Variants in ETV6 observed in about 807,000 individuals in gnomAD.
ETV6 encodes ETS variant transcription factor 6, also known as transcription factor ETV6.
In ETV6, 16 loss-of-function variants were observed where a neutral mutation model predicts 51.1. The observed-to-expected ratio is 0.31, with a 90% CI of 0.21 to 0.48. The LOEUF is 0.48. Among genes scored for constraint, ETV6 ranks in the 20% least tolerant of loss-of-function variants. ETV6 has a pLI of 0.99. For synonymous variants in ETV6, 240 were observed against 224.1 expected, an observed-to-expected ratio of 1.07 and a Z score of -0.64; for missense variants, 458 against 594.8, an observed-to-expected ratio of 0.77 and a Z score of 2.39.
intron 1 of ETV6, among the ~76,000 whole-genome samples, chr12:11,651,167 G>C (rs1274712134): frequency 6.6e-6 from 1 of 152,212 alleles, no homozygotes; most frequent in Non-Finnish European, 1.5e-5. Context: ...CCAGTACCCA[G>C]GTAGAAAGCC....
intron 6 of ETV6, among the ~76,000 whole-genome samples, chr12:11,885,242 G>A (rs1366122694): frequency 6.6e-6 from 1 of 152,184 alleles, no homozygotes; most frequent in Non-Finnish European, 1.5e-5. Context: ...ACCCCAATCC[G>A]CTGAGTGAGT....
At chr12:11,689,420 G>C (rs1252737654) in intron 1 of ETV6, among the ~76,000 whole-genome samples, 1 of 152,066 alleles carries the variant, frequency 6.6e-6, no homozygotes, top group Admixed American at 6.6e-5. Flanking sequence ...CAGTACATTT[G>C]CTATTTTATT....
intron 2 of ETV6, among the ~76,000 whole-genome samples, chr12:11,806,179 T>C (rs923300967): frequency 1.3e-4 from 20 of 152,146 alleles, no homozygotes; most frequent in Admixed American, 7.9e-4. Flanking sequence ...GTCACACAGT[T>C]GAGGTTTTGG....
chr12:11,769,511 G>T (rs749915486), intron 2 of ETV6, among the ~76,000 whole-genome samples: 2 of 152,048 alleles, frequency 1.3e-5, no homozygotes, highest in African/African-American at 2.4e-5. Flanking sequence ...TCTTTGGCAC[G>T]TGTAGCAAAA....
chr12:11,859,119 GTTT>G (rs71057773), intron 4 of ETV6, among the ~76,000 whole-genome samples: 5 of 66,094 alleles, frequency 7.6e-5, no homozygotes, highest in African/African-American at 3.1e-4. Context: ...TATGAATCTG[GTTT>G]TTTTTTTTTT....
intron 2 of ETV6, among the ~76,000 whole-genome samples, chr12:11,805,025 G>T (rs1168589783): frequency 2.0e-5 from 3 of 152,122 alleles, no homozygotes; most frequent in African/African-American, 7.2e-5. Flanking sequence ...TGAACTTGGC[G>T]TTCTCAGATT....
intron 1 of ETV6, among the ~76,000 whole-genome samples, chr12:11,716,435 G>A (rs990122037): frequency 8.6e-5 from 13 of 150,740 alleles, no homozygotes; most frequent in African/African-American, 2.2e-4. Flanking sequence ...CCACCCAAGC[G>A]AGTTGACCTG....
chr12:11,850,368 A>G (rs1946533270), intron 3 of ETV6, among the ~76,000 whole-genome samples: 1 of 152,184 alleles, frequency 6.6e-6, no homozygotes, highest in African/African-American at 2.4e-5. Flanking sequence ...AGACGTCCAG[A>G]GAACCCAAGA....
chr12:11,876,288 T>C (rs986623611), intron 5 of ETV6, among the ~76,000 whole-genome samples: 1 of 152,234 alleles, frequency 6.6e-6, no homozygotes, highest in African/African-American at 2.4e-5. Context: ...TCTTCATTCA[T>C]TGATTCAAAA....
At chr12:11,670,623 C>T (rs1864295330) in intron 1 of ETV6, among the ~76,000 whole-genome samples, 1 of 152,156 alleles carries the variant, frequency 6.6e-6, no homozygotes, top group Non-Finnish European at 1.5e-5. Flanking sequence ...AGGGCAGCAG[C>T]ATTTTAGGAA....
At chr12:11,761,050 T>G (rs1365908006) in intron 2 of ETV6, among the ~76,000 whole-genome samples, 1 of 151,994 alleles carries the variant, frequency 6.6e-6, no homozygotes, top group Non-Finnish European at 1.5e-5. Context: ...TTGCCCGAGG[T>G]CACCCAGAGA....
At chr12:11,810,584 G>A (rs1185135231) in intron 2 of ETV6, among the ~76,000 whole-genome samples, 1 of 152,122 alleles carries the variant, frequency 6.6e-6, no homozygotes, top group Non-Finnish European at 1.5e-5. Flanking sequence ...AATACCTGTG[G>A]TCTCTTGAGA....
chr12:11,890,409 C>T (rs966439481), intron 7 of ETV6, among the ~76,000 whole-genome samples: 5 of 150,242 alleles, frequency 3.3e-5, no homozygotes, highest in Non-Finnish European at 4.4e-5. Context: ...GTGCTCACTA[C>T]GTCACAGACA....
chr12:11,791,480 T>G (rs1945590701), intron 2 of ETV6, among the ~76,000 whole-genome samples: 1 of 152,226 alleles, frequency 6.6e-6, no homozygotes, highest in African/African-American at 2.4e-5. Flanking sequence ...TGATAGTCTT[T>G]TTACCCTTAG....
intron 1 of ETV6, among the ~76,000 whole-genome samples, chr12:11,688,434 G>C (rs1864678772): frequency 6.6e-6 from 1 of 152,178 alleles, no homozygotes; most frequent in African/African-American, 2.4e-5. Context: ...TCTCGTGGCT[G>C]TCTAGTGGTT....
At chr12:11,763,391 T>C (rs3782137) in intron 2 of ETV6, among the ~76,000 whole-genome samples, 81,548 of 151,964 alleles carry the variant, frequency 0.54, 23,536 homozygotes, top group Admixed American at 0.69. Flanking sequence ...AACACAAAAG[T>C]AGGAATTCCC....
intron 3 of ETV6, among the ~76,000 whole-genome samples, chr12:11,844,197 G>C (rs570061489): frequency 7.9e-5 from 12 of 152,160 alleles, no homozygotes; most frequent in Admixed American, 7.2e-4. Context: ...ATGGATTTAG[G>C]TACCCATTAT....
intron 1 of ETV6, among the ~76,000 whole-genome samples, chr12:11,672,169 G>A (rs955563655): frequency 2.6e-5 from 4 of 151,932 alleles, no homozygotes; most frequent in Non-Finnish European, 5.9e-5. Context: ...TCCTTCTGTC[G>A]CAAAATATAA....
chr12:11,700,856 A>G (rs1864966989), intron 1 of ETV6, among the ~76,000 whole-genome samples: 1 of 152,060 alleles, frequency 6.6e-6, no homozygotes, highest in Non-Finnish European at 1.5e-5. Flanking sequence ...ACTGAAAAAA[A>G]TTCACATATA....
Sources: allele counts gnomAD v4.1 joint callset (sites outside exome capture counted in the v4.1 genomes callset), GRCh38; gene constraint gnomAD v4.1.1; transcripts MANE v1.5; gene names NCBI Gene and HGNC (gene_info 2026-07-23, HGNC 2026-07-21).